Variants in WNT5B observed in about 807,000 individuals in gnomAD.
The protein encoded by WNT5B is protein Wnt-5b.
Under a neutral mutation model 36.5 loss-of-function variants are expected in WNT5B, and 18 were observed. That is an observed-to-expected ratio of 0.49 (90% CI 0.34 to 0.73). WNT5B has a LOEUF of 0.73. Ranked by LOEUF, WNT5B falls within the 30% of genes least tolerant of loss-of-function variation. WNT5B has a pLI of 0.01. For synonymous variants in WNT5B, 213 were observed against 212.3 expected (o/e 1.00, Z -0.03); for missense variants, 424 against 508.4 (o/e 0.83, Z 1.60).
At chr12:1,631,763 C>T (rs1380905476) in intron 2 of WNT5B, among the ~76,000 whole-genome samples, 4 of 151,898 alleles carry the variant, frequency 2.6e-5, no homozygotes. Flanking sequence ...GTTTTTTGTT[C>T]CTTTGTTTTG....
intron 4 of WNT5B, among the ~76,000 whole-genome samples, chr12:1,640,859 A>G (rs1023708806): frequency 6.6e-6 from 1 of 152,230 alleles, no homozygotes. Context: ...CTGCTTCTGC[A>G]TAGCCAGTGT....
At chr12:1,634,077 G>A (rs746501259) in intron 3 of WNT5B, among the ~76,000 whole-genome samples, 8 of 152,140 alleles carry the variant, frequency 5.3e-5, no homozygotes, top group African/African-American at 9.7e-5. Flanking sequence ...GAGAGAGAGG[G>A]AATTAAAGAT....
chr12:1,632,848 C>A lies in WNT5B; in HGVS notation c.271C>A (p.Arg91=), dbSNP rs1015574883. The part of the protein sequence containing the change: ...KECQHQFRQR[R]WNCSTADNAS... The stretch of plus-strand genomic sequence containing the variant: ...ATGCCAGCACCAGTTCCGGCAGCGG[C>A]GGTGGAATTGCAGCACAGCGGACAA... Residue 91 remains arginine, a synonymous_variant, in exon 3 of 5, where the codon CGG becomes AGG. Coordinates refer to ENST00000397196, the MANE Select transcript of WNT5B (RefSeq NM_032642.3). The surrounding 1 kb of genome is among the most constrained non-coding windows in gnomAD (Gnocchi z 5.8). 1 of 1,614,112 alleles carries A rather than the reference C, an allele frequency of 6.2e-7. No individual in the cohort carries two copies. The highest frequency in any genetic ancestry group is 8.5e-7 in the Non-Finnish European group (1 of 1,179,982).
intron 4 of WNT5B, among the ~76,000 whole-genome samples, 186 bp from the exon 5 acceptor site, chr12:1,645,608 G>T (rs948439411): frequency 6.6e-6 from 1 of 152,304 alleles, no homozygotes; most frequent in South Asian, 2.1e-4. Context: ...TTTCTGTGGT[G>T]CCTCTTTTAT....
chr12:1,619,516 T>G (rs992114649), intron 1 of WNT5B, among the ~76,000 whole-genome samples: 2 of 152,184 alleles, frequency 1.3e-5, no homozygotes, highest in African/African-American at 4.8e-5. Context: ...AATTTGCAGA[T>G]AAAGTCATTG....
At chr12:1,622,267 C>T (rs560950143) in intron 1 of WNT5B, among the ~76,000 whole-genome samples, 80 of 152,162 alleles carry the variant, frequency 5.3e-4, no homozygotes, top group Admixed American at 4.5e-3. Flanking sequence ...CCCGCCACCA[C>T]GCCCGGCTAA....
rs117899417 is a variant in WNT5B at position 1,630,777 on chromosome 12, G to T, written c.-57-521G>T. ...GCTGAGGGTGAGAAGGGCGCAGATG[G>T]AGAGGGGAGACTCCTCCCTGGGTGC... On this transcript the variant is annotated intron_variant, in intron 1 of 4. Coordinates refer to ENST00000397196, the MANE Select transcript of WNT5B (RefSeq NM_032642.3). This position sits in a 1 kb window ranked among gnomAD's most constrained non-coding sequence, Gnocchi z 5.3. 6.5e-6 allele frequency: 1 copy of T among 152,842 alleles called. No homozygotes were observed. The highest frequency in any genetic ancestry group is 1.5e-5 in the Non-Finnish European group (1 of 68,508). 9.5% of individuals were successfully genotyped at this position (152,842 alleles called of 1,614,324 possible).
intron 3 of WNT5B, among the ~76,000 whole-genome samples, chr12:1,639,176 C>G (rs539012253): frequency 1.9e-4 from 29 of 150,940 alleles, no homozygotes; most frequent in South Asian, 1.5e-3. Flanking sequence ...CTCACTCTGT[C>G]GCCCAGGCTG....
At chr12:1,642,175 C>T (rs755174230) in intron 4 of WNT5B, among the ~76,000 whole-genome samples, 2 of 152,194 alleles carry the variant, frequency 1.3e-5, no homozygotes, top group Non-Finnish European at 2.9e-5. Flanking sequence ...CTGCTCAGGG[C>T]GTGTGTGGAG....
chr12:1,639,667 CT>C lies in WNT5B; in HGVS notation c.329-16del, dbSNP rs1670114792. On this transcript the variant is annotated splice_polypyrimidine_tract_variant and intron_variant, in intron 3 of 4. Transcript: ENST00000397196. ...GAGGAGAGCGCACCCGCTTACCGCCCTGGCCTCATTCTGCAGGCAGCCGAGA... is the reference window on the plus strand; with the variant it reads ...GAGGAGAGCGCACCCGCTTACCGCCCGGCCTCATTCTGCAGGCAGCCGAGA... 8 of 1,514,206 alleles carry C rather than the reference CT, an allele frequency of 5.3e-6. 1 individual carries two copies. The South Asian group carries it at 6.4e-5, about 12-fold the overall frequency. 93.8% of individuals were successfully genotyped at this position (1,514,206 alleles called of 1,614,324 possible).
chr12:1,623,791 C>A (rs1402938734), intron 1 of WNT5B, among the ~76,000 whole-genome samples: 4 of 152,174 alleles, frequency 2.6e-5, no homozygotes, highest in Non-Finnish European at 5.9e-5. Context: ...TAGCTCTTGA[C>A]CTGGTTTGTC....
Position 1,644,046 on chromosome 12 carries a change from G to A in WNT5B, c.622-1748G>A, listed in dbSNP as rs1218266571. Reference sequence around the variant, plus strand: ...TGCAAGAGATGCTTATCCGTGCTCCGAGTTGCTAAGTGGCAAAGTGCACAG... The same window carrying A: ...TGCAAGAGATGCTTATCCGTGCTCCAAGTTGCTAAGTGGCAAAGTGCACAG... On this transcript the variant is annotated intron_variant, in intron 4 of 4. Transcript: ENST00000397196. The surrounding 1 kb of genome is among the most constrained non-coding windows in gnomAD (Gnocchi z 5.1). 6.6e-6 allele frequency among the ~76,000 whole-genome samples: 1 copy of A among 152,074 alleles called. No individual in the cohort carries two copies.
In WNT5B at chr12:1,632,951, C is replaced by T. The variant is rs1247823959; in HGVS notation, c.328+46C>T. ...GGCTCGGCCAAGGAACTGCACTCGT[C>T]TCGTTTGGGAGCAATTAAGCTCTCT... On this transcript the variant is annotated intron_variant, in intron 3 of 4. Coordinates refer to ENST00000397196, the MANE Select transcript of WNT5B (RefSeq NM_032642.3). The surrounding 1 kb of genome is among the most constrained non-coding windows in gnomAD (Gnocchi z 5.8). The T allele has an allele frequency of 1.3e-6, 2 of 1,561,978 alleles. No homozygotes were observed. Among genetic ancestry groups the T allele is most frequent in the Non-Finnish European group, 1.7e-6 (2 of 1,149,974 alleles).
intron 1 of WNT5B, among the ~76,000 whole-genome samples, chr12:1,623,200 T>G (rs1303916122): frequency 2.5e-5 from 3 of 121,464 alleles, no homozygotes; most frequent in East Asian, 2.2e-4. Context: ...TTTTTTTTTT[T>G]TTTTTTTTTT....
At chr12:1,620,301 CA>C (rs2154439228) in intron 1 of WNT5B, among the ~76,000 whole-genome samples, 1 of 152,330 alleles carries the variant, frequency 6.6e-6, no homozygotes, top group East Asian at 1.9e-4. Context: ...GGTCCCCAAA[CA>C]AGATAGTTTT....
At chr12:1,638,735 T>C (rs940421383) in intron 3 of WNT5B, among the ~76,000 whole-genome samples, 13 of 152,202 alleles carry the variant, frequency 8.5e-5, no homozygotes, top group Non-Finnish European at 1.9e-4. Context: ...GTAGATGTTG[T>C]TCCCAGGGCT....
chr12:1,645,511 T>C (rs2094583622), intron 4 of WNT5B, among the ~76,000 whole-genome samples: 1 of 152,256 alleles, frequency 6.6e-6, no homozygotes, highest in Non-Finnish European at 1.5e-5. Context: ...TTTTGAGGAA[T>C]GAGAAACCAG....
At chr12:1,637,796 T>C (rs1322828866) in intron 3 of WNT5B, among the ~76,000 whole-genome samples, 4 of 151,478 alleles carry the variant, frequency 2.6e-5, no homozygotes. Context: ...GTCTATTAAG[T>C]GTGTAATAAC....
rs2094550256 is a variant in WNT5B, at chr12:1,631,287, G to A, written c.-57-11G>A. The A allele has an allele frequency of 6.3e-7, 1 of 1,595,928 alleles. No individual in the cohort carries two copies. Among genetic ancestry groups the A allele is most frequent in the Non-Finnish European group, 8.6e-7 (1 of 1,169,178 alleles). The stretch of plus-strand genomic sequence containing the variant: ...GTTTCCACACTGACTCTCCATTTCT[G>A]TTTTCTCCAGGGAACCCTACTCTGG... On this transcript the variant is annotated splice_polypyrimidine_tract_variant and intron_variant, in intron 1 of 4. Coordinates refer to ENST00000397196, the MANE Select transcript of WNT5B (RefSeq NM_032642.3).
Sources: allele counts gnomAD v4.1 joint callset (sites outside exome capture counted in the v4.1 genomes callset), GRCh38; gene constraint gnomAD v4.1.1; non-coding constraint Gnocchi (gnomAD v3.1); transcripts MANE v1.5; gene names NCBI Gene and HGNC (gene_info 2026-07-23, HGNC 2026-07-21).